The following KALRN variants were observed in gnomAD, a reference collection of about 807,000 sequenced individuals.
KALRN encodes the protein kalirin RhoGEF kinase, also known as kalirin.
KALRN carries 70 observed loss-of-function variants against 353.7 expected under a neutral mutation model. The observed-to-expected ratio is 0.20, with a 90% CI of 0.16 to 0.24. The LOEUF is 0.24. Ranked by LOEUF, KALRN falls within the 10% of genes least tolerant of loss-of-function variation. The probability of loss-of-function intolerance (pLI) is 1.00; values close to 1 mark genes in which losing one functional copy is unlikely to be tolerated. For synonymous variants in KALRN, 1,391 were observed against 1,434.8 expected, an observed-to-expected ratio of 0.97 and a Z score of 0.69; for missense variants, 2,791 against 3,756.7, an observed-to-expected ratio of 0.74 and a Z score of 6.72.
At chr3:124,270,205 G>A (rs1251300306) in intron 5 of KALRN, among the ~76,000 whole-genome samples, 2 of 152,036 alleles carry the variant, frequency 1.3e-5, no homozygotes, top group Admixed American at 1.3e-4. Context: ...TATTTAAATG[G>A]CCAATACTGT....
intron 1 of KALRN, among the ~76,000 whole-genome samples, chr3:124,226,987 G>GT (rs1187314267): frequency 6.6e-6 from 1 of 152,190 alleles, no homozygotes; most frequent in East Asian, 1.9e-4. Flanking sequence ...TCGAATCGCT[G>GT]TAAGTGTGGG....
intron 47 of KALRN, among the ~76,000 whole-genome samples, chr3:124,668,347 C>T (rs2085940358): frequency 1.3e-5 from 2 of 152,158 alleles, no homozygotes; most frequent in African/African-American, 4.8e-5. Flanking sequence ...AGTTGAGGAC[C>T]TTGAGGAGTC....
intron 1 of KALRN, among the ~76,000 whole-genome samples, chr3:124,080,425 G>T (rs1448055087): frequency 1.3e-5 from 2 of 152,138 alleles, no homozygotes; most frequent in African/African-American, 4.8e-5. Context: ...TTAGTTATTA[G>T]GGGTCCTTCC....
chr3:124,495,703 C>G (rs1488629819), intron 32 of KALRN, among the ~76,000 whole-genome samples: 2 of 130,038 alleles, frequency 1.5e-5, no homozygotes, highest in East Asian at 4.6e-4. Flanking sequence ...GCATTCCAGC[C>G]TGGGTGACAG....
intron 34 of KALRN, among the ~76,000 whole-genome samples, chr3:124,627,292 T>C (rs1009111747): frequency 6.6e-6 from 1 of 152,232 alleles, no homozygotes; most frequent in Non-Finnish European, 1.5e-5. Context: ...ACTTGGGCCA[T>C]GGTTGCATGG....
At chr3:124,364,120 G>A (rs756693290) in intron 10 of KALRN, among the ~76,000 whole-genome samples, 1 of 152,154 alleles carries the variant, frequency 6.6e-6, no homozygotes, top group East Asian at 1.9e-4. Context: ...AAGCCAGCTT[G>A]TTCTTGTTTC....
chr3:124,322,212 C>T (rs374790035), intron 6 of KALRN, among the ~76,000 whole-genome samples: 2 of 152,150 alleles, frequency 1.3e-5, no homozygotes, highest in South Asian at 2.1e-4. Context: ...GGACAGCAGG[C>T]CTGGGCTACA....
intron 37 of KALRN, among the ~76,000 whole-genome samples, chr3:124,639,014 T>C (rs1208524665): frequency 6.6e-6 from 1 of 152,228 alleles, no homozygotes; most frequent in Non-Finnish European, 1.5e-5. Flanking sequence ...TTACCTAATA[T>C]TCTGATATTT....
intron 25 of KALRN, among the ~76,000 whole-genome samples, chr3:124,464,869 A>AAC (rs2060175903): frequency 6.6e-6 from 1 of 151,720 alleles, no homozygotes; most frequent in African/African-American, 2.4e-5. Context: ...AAAAAAAAAA[A>AAC]AAAAAAACCT....
chr3:124,474,916 A>G (rs917646520), intron 26 of KALRN, among the ~76,000 whole-genome samples, 184 bp downstream of exon 26: 3 of 152,190 alleles, frequency 2.0e-5, no homozygotes, highest in African/African-American at 7.2e-5. Flanking sequence ...CTCCATCTTA[A>G]GCTGTCTAAG....
In KALRN at chr3:124,322,553, G is replaced by A. The variant is rs567072981; in HGVS notation, c.1093-3427G>A. ...GTAGGAAATGGGAAAGCTGTAAAGA[G>A]CCAAAATATCCATTCCTCTTGGCCA... On this transcript the variant is annotated intron_variant, in intron 6 of 59. Transcript: ENST00000682506. 5.3e-5 allele frequency among the ~76,000 whole-genome samples: 8 copies of A among 152,248 alleles called. No individual in the cohort carries two copies. The South Asian group carries it at 1.5e-3, about 28-fold the overall frequency.
intron 34 of KALRN, among the ~76,000 whole-genome samples, chr3:124,610,432 G>T (rs904804286): frequency 5.3e-5 from 8 of 152,272 alleles, no homozygotes; most frequent in African/African-American, 1.9e-4. Flanking sequence ...TTTAGGACTG[G>T]CTAGTTTGAG....
At position 124,235,033 on chromosome 3, in the gene KALRN, C is replaced by T. The variant is rs530926002; in HGVS notation, c.263+90C>T. 10 of 861,472 alleles carry T rather than the reference C, an allele frequency of 1.2e-5. No homozygotes were observed. In the South Asian group the frequency reaches 1.5e-4, roughly 13 times the overall value. 53.4% of individuals were successfully genotyped at this position (861,472 alleles called of 1,614,324 possible). The stretch of plus-strand genomic sequence containing the variant: ...AGGAGCCTCCATCCCTGCCAGGGAC[C>T]CTAGTGGTTTCTGCTCTTCCAGTGG... On this transcript the variant is annotated intron_variant, in intron 3 of 59. Coordinates refer to ENST00000682506, the MANE Select transcript of KALRN (RefSeq NM_001388419.1).
chr3:124,149,083 A>G (rs1408025358), intron 1 of KALRN, among the ~76,000 whole-genome samples: 1 of 152,248 alleles, frequency 6.6e-6, no homozygotes, highest in Non-Finnish European at 1.5e-5. Flanking sequence ...TGGGGCACAC[A>G]TTGAGTGAAA....
chr3:124,383,439 A>C (rs1336607701), intron 10 of KALRN, among the ~76,000 whole-genome samples: 2 of 152,176 alleles, frequency 1.3e-5, no homozygotes, highest in Non-Finnish European at 1.5e-5. Flanking sequence ...ATGAGGGAGA[A>C]ATCTACCCTG....
chr3:124,554,993 T>C (rs1397464463), intron 33 of KALRN, among the ~76,000 whole-genome samples: 1 of 152,218 alleles, frequency 6.6e-6, no homozygotes, highest in African/African-American at 2.4e-5. Flanking sequence ...CTCTCCATTC[T>C]ACATTTAAGC....
chr3:124,581,583 C>A (rs930159505), intron 34 of KALRN, among the ~76,000 whole-genome samples: 2 of 152,030 alleles, frequency 1.3e-5, no homozygotes, highest in African/African-American at 4.8e-5. Context: ...AAAAAGTGAT[C>A]CAGTGTTATC....
At chr3:124,172,461 A>G (rs1177544906) in intron 1 of KALRN, among the ~76,000 whole-genome samples, 1 of 152,232 alleles carries the variant, frequency 6.6e-6, no homozygotes, top group Admixed American at 6.5e-5. Context: ...GAAATGATGC[A>G]CAGAGAATCT....
intron 41 of KALRN, 50 bp from the exon 42 acceptor site, chr3:124,658,381 A>G: frequency 1.4e-6 from 2 of 1,436,018 alleles, no homozygotes; most frequent in South Asian, 2.3e-5. Flanking sequence ...GAGATTGAAC[A>G]AAAGACACAA....
Sources: allele counts gnomAD v4.1 joint callset (sites outside exome capture counted in the v4.1 genomes callset), GRCh38; gene constraint gnomAD v4.1.1; transcripts MANE v1.5; gene names NCBI Gene and HGNC (gene_info 2026-07-23, HGNC 2026-07-21).